Variants in SLC7A6OS observed in about 807,000 individuals in gnomAD.
The protein encoded by SLC7A6OS is solute carrier family 7 member 6 opposite strand, also known as probable RNA polymerase II nuclear localization protein SLC7A6OS.
In SLC7A6OS, 22 loss-of-function variants were observed where a neutral mutation model predicts 34.3. The ratio of observed to expected loss-of-function variants is 0.64; its 90% CI spans 0.46 to 0.92. The LOEUF (loss-of-function observed/expected upper bound fraction) is 0.92, where lower values mean the gene tolerates loss of function less well. Ranked by LOEUF, SLC7A6OS falls within the 40% of genes least tolerant of loss-of-function variation. SLC7A6OS has a pLI of 0.00. For missense variants in SLC7A6OS, 434 were observed against 407.7 expected, an observed-to-expected ratio of 1.06 and a Z score of -0.56; for synonymous variants, 199 against 165.0, an observed-to-expected ratio of 1.21 and a Z score of -1.58.
Position 68,301,964 on chromosome 16 carries a change from T to G in SLC7A6OS, c.799+417A>C, listed in dbSNP as rs908354686. The stretch of plus-strand genomic sequence containing the variant: ...TTTTTTGAGAAGTTAGATAACTGAT[T>G]TGTGAAAACTCTGGGCTTATTCCTA... On this transcript the variant is annotated intron_variant, in intron 4 of 4. Coordinates refer to ENST00000263997, the MANE Select transcript of SLC7A6OS (RefSeq NM_032178.3). The G allele has an allele frequency of 4.1e-5, 7 of 169,860 alleles. No homozygotes were observed. The East Asian group carries it at 1.0e-3, about 25-fold the overall frequency. 10.5% of individuals were successfully genotyped at this position (169,860 alleles called of 1,614,324 possible).
chr16:68,308,741 A>G (rs907898361), intron 2 of SLC7A6OS, among the ~76,000 whole-genome samples: 1 of 151,992 alleles, frequency 6.6e-6, no homozygotes. Context: ...AATGAGTTCT[A>G]TAAAAATGTT....
chr16:68,309,842 T>C (rs1239258515), intron 2 of SLC7A6OS, among the ~76,000 whole-genome samples: 1 of 152,148 alleles, frequency 6.6e-6, no homozygotes, highest in African/African-American at 2.4e-5. Context: ...CTTACTGCTC[T>C]CCTCTAGCTC....
intron 3 of SLC7A6OS, 42 bp downstream of exon 3, chr16:68,303,984 C>T (rs1360960515): frequency 1.3e-6 from 2 of 1,557,434 alleles, no homozygotes; most frequent in East Asian, 2.2e-5. Flanking sequence ...AGATTAAGAG[C>T]TTAGGATGCC....
intron 4 of SLC7A6OS, chr16:68,301,675 G>A (rs1253119838): frequency 3.8e-6 from 1 of 266,092 alleles, no homozygotes; most frequent in Non-Finnish European, 7.0e-6. Flanking sequence ...AGGATTTTTT[G>A]TTGTTGTAAG....
intron 2 of SLC7A6OS, among the ~76,000 whole-genome samples, chr16:68,304,903 AT>A (rs1291920521): frequency 5.3e-5 from 8 of 152,152 alleles, no homozygotes; most frequent in Admixed American, 5.2e-4. Context: ...AAATACAAAA[AT>A]TAGCTGGGTG....
At chr16:68,301,819 CCTT>C (rs1443714103) in intron 4 of SLC7A6OS, 5 of 159,514 alleles carry the variant, frequency 3.1e-5, no homozygotes, top group South Asian at 1.9e-4. Flanking sequence ...TTTTGTTGGG[CCTT>C]CTTCTCTCTT....
At chr16:68,304,958 C>A (rs765495519) in intron 2 of SLC7A6OS, among the ~76,000 whole-genome samples, 3 of 152,104 alleles carry the variant, frequency 2.0e-5, no homozygotes, top group Non-Finnish European at 4.4e-5. Flanking sequence ...GAGGTTGAGG[C>A]TGCAGTGAGC....
rs2043290459 is a variant in SLC7A6OS at position 68,302,395 on chromosome 16, T to C, written c.785A>G (p.Asp262Gly). Residue 262 changes from aspartate (D) to glycine (G), a missense_variant, in exon 4 of 5, where the codon GAT (aspartate) becomes GGT (glycine). Coordinates refer to ENST00000263997, the MANE Select transcript of SLC7A6OS (RefSeq NM_032178.3). ...EYPEEESSDG[D>G]EDSRGSADYN... ...CTGCCACCCACCTCTGGAATCCTCA[T>C]CTCCATCACTGCTCTCCTCCTCTGG... is the stretch of plus-strand genomic sequence containing the variant. The C allele has an allele frequency of 6.2e-7, 1 of 1,614,170 alleles. No homozygotes were observed. Among genetic ancestry groups the C allele is most frequent in the South Asian group, 1.1e-5 (1 of 91,078 alleles).
At chr16:68,309,628 C>T (rs1255477320) in intron 2 of SLC7A6OS, among the ~76,000 whole-genome samples, 1 of 152,202 alleles carries the variant, frequency 6.6e-6, no homozygotes, top group Non-Finnish European at 1.5e-5. Context: ...TAAAGAAAAG[C>T]ACTGGATTAA....
In SLC7A6OS at chr16:68,300,691, G is replaced by A. The variant is rs2043254553; in HGVS notation, c.*584C>T. On this transcript the variant is annotated 3_prime_UTR_variant, in exon 5 of 5. Transcript: ENST00000263997. The stretch of plus-strand genomic sequence containing the variant: ...ATTGTTTCTTGGCCCCACTGCCAAA[G>A]GAAGTCAGTCAGTAATTTCACAACC... 1.0e-6 allele frequency: 1 copy of A among 985,446 alleles called. No homozygotes were observed. The allele number at this position is 985,446 out of a possible 1,614,324, so 61.0% of individuals were successfully genotyped here.
At chr16:68,310,283 C>A (rs1296354850) in intron 2 of SLC7A6OS, 52 bp downstream of exon 2, 1 of 1,518,460 alleles carries the variant, frequency 6.6e-7, no homozygotes, top group Non-Finnish European at 8.9e-7. Context: ...GCCCAGTCTT[C>A]TTGCATTACC....
At chr16:68,304,564 T>C (rs768147142) in intron 2 of SLC7A6OS, among the ~76,000 whole-genome samples, 20 of 152,096 alleles carry the variant, frequency 1.3e-4, no homozygotes, top group Non-Finnish European at 2.8e-4. Flanking sequence ...TCAAGTAATC[T>C]GCCCGCCCCA....
Position 68,310,477 on chromosome 16 carries a change from CG to C in SLC7A6OS, c.328del (p.Arg110AspfsTer30), listed in dbSNP as rs759414436. On this transcript the variant is annotated frameshift_variant, in exon 2 of 5. Transcript: ENST00000263997. LOFTEE classifies it high-confidence loss of function. Reference sequence around the variant, plus strand: ...GCCGCTCGAGGTGGTCCCCAAGGATCGGCGGCTGGAAAGCACCCGGTAGCGG... The same window carrying C: ...GCCGCTCGAGGTGGTCCCCAAGGATCGCGGCTGGAAAGCACCCGGTAGCGG... ...EGRYRVLSSR[R>X]SLGTTSSGQE... 1 of 1,596,670 alleles carries C rather than the reference CG, an allele frequency of 6.3e-7. No individual in the cohort carries two copies.
intron 1 of SLC7A6OS, 53 bp downstream of exon 1, chr16:68,310,682 G>C: frequency 1.3e-6 from 2 of 1,580,598 alleles, no homozygotes; most frequent in African/African-American, 1.3e-5. Flanking sequence ...ATCGGGTTTC[G>C]TACCGGCTGC....
intron 2 of SLC7A6OS, among the ~76,000 whole-genome samples, chr16:68,309,678 A>G (rs1195134225): frequency 1.3e-5 from 2 of 152,158 alleles, no homozygotes; most frequent in Admixed American, 6.5e-5. Flanking sequence ...ATCTACCTCA[A>G]ACTTGATATG....
intron 2 of SLC7A6OS, among the ~76,000 whole-genome samples, chr16:68,305,890 T>G (rs1177525971): frequency 1.3e-5 from 2 of 152,100 alleles, no homozygotes; most frequent in Non-Finnish European, 2.9e-5. Context: ...CAAAACCGTC[T>G]CTACAAAAAA....
At position 68,301,393 on chromosome 16, in the gene SLC7A6OS, T is replaced by C. The variant is rs1441756445; in HGVS notation, c.812A>G (p.Tyr271Cys). The change falls in exon 5 of 5, where the codon TAC (tyrosine) becomes TGC (cysteine). Residue 271 changes from tyrosine to cysteine, a missense_variant. Transcript: ENST00000263997. Reference sequence around the variant, plus strand: ...TCTTTCCTCCTCACTCAGGCTGTTGTAGTCAGCAGAGCCTAGAATGACATC... The same window carrying C: ...TCTTTCCTCCTCACTCAGGCTGTTGCAGTCAGCAGAGCCTAGAATGACATC... ...GDEDSRGSAD[Y>C]NSLSEEERGS... 6.2e-7 allele frequency: 1 copy of C among 1,614,040 alleles called. No individual in the cohort carries two copies. The highest frequency in any genetic ancestry group is 8.5e-7 in the Non-Finnish European group (1 of 1,179,934).
At position 68,305,509 on chromosome 16, in the gene SLC7A6OS, T is replaced by C. The variant is rs140181344; in HGVS notation, c.472-1277A>G. ...ACATGCTGCAGATGGCTCCTCTTGA[T>C]AGGTTCATCACAGGACACTGCACAG... On this transcript the variant is annotated intron_variant, in intron 2 of 4. Transcript: ENST00000263997. Among the ~76,000 whole-genome samples, 617 of 152,136 alleles carry C rather than the reference T, an allele frequency of 4.1e-3. 6 individuals carry two copies. Among genetic ancestry groups the C allele is most frequent in the African/African-American group, 0.014 (588 of 41,488 alleles).
chr16:68,301,500 G>A (rs1027151040), intron 4 of SLC7A6OS, 95 bp from the exon 5 acceptor site: 12 of 1,004,794 alleles, frequency 1.2e-5, no homozygotes, highest in Admixed American at 5.0e-5. Flanking sequence ...TTTTGTTCCC[G>A]ATTGTAATGC....
Sources: allele counts gnomAD v4.1 joint callset (sites outside exome capture counted in the v4.1 genomes callset), GRCh38; gene constraint gnomAD v4.1.1; transcripts MANE v1.5; gene names NCBI Gene and HGNC (gene_info 2026-07-23, HGNC 2026-07-21).